RGS7: variants seen among roughly 807,000 people sequenced by gnomAD.
RGS7 encodes the protein regulator of G-protein signaling 7.
In RGS7, 27 loss-of-function variants were observed where a neutral mutation model predicts 81.1. The ratio of observed to expected loss-of-function variants is 0.33; its 90% CI spans 0.25 to 0.46. The LOEUF (loss-of-function observed/expected upper bound fraction) is 0.46. Ranked by LOEUF, RGS7 falls within the 20% of genes least tolerant of loss-of-function variation. The pLI is 1.00. For synonymous variants in RGS7, 208 were observed against 207.7 expected (o/e 1.00, Z -0.01); for missense variants, 396 against 607.4 (o/e 0.65, Z 3.66).
At chr1:241,347,995 G>C (rs1339050883) in intron 2 of RGS7, among the ~76,000 whole-genome samples, 2 of 152,076 alleles carry the variant, frequency 1.3e-5, no homozygotes, top group Non-Finnish European at 2.9e-5. Flanking sequence ...TCTTGGACTT[G>C]ATGCTATTTG....
At chr1:241,167,765 G>C (rs927075307) in intron 2 of RGS7, among the ~76,000 whole-genome samples, 1 of 151,880 alleles carries the variant, frequency 6.6e-6, no homozygotes, top group Admixed American at 6.6e-5. Flanking sequence ...TGATCCTCCC[G>C]CCTCAGCCTC....
At chr1:240,941,154 G>A (rs1037191939) in intron 4 of RGS7, among the ~76,000 whole-genome samples, 1 of 152,128 alleles carries the variant, frequency 6.6e-6, no homozygotes, top group Non-Finnish European at 1.5e-5. Context: ...TGGTGATACA[G>A]GTAAGACCTA....
At chr1:240,898,286 GT>G in intron 6 of RGS7, among the ~76,000 whole-genome samples, 1 of 152,176 alleles carries the variant, frequency 6.6e-6, no homozygotes, top group South Asian at 2.1e-4. Flanking sequence ...ATTTCCTTCA[GT>G]TCTGCTCGGA....
intron 4 of RGS7, among the ~76,000 whole-genome samples, chr1:240,957,918 C>G (rs1037592069): frequency 6.6e-6 from 1 of 152,178 alleles, no homozygotes; most frequent in Non-Finnish European, 1.5e-5. Flanking sequence ...CTCAAAGAAA[C>G]ACATAGGATG....
chr1:240,804,428 T>C (rs1314606555), intron 15 of RGS7, among the ~76,000 whole-genome samples: 1 of 151,790 alleles, frequency 6.6e-6, no homozygotes, highest in African/African-American at 2.4e-5. Flanking sequence ...ACCCAGGCAA[T>C]TTACCTTACG....
chr1:240,925,186 A>G (rs183747481), intron 6 of RGS7, among the ~76,000 whole-genome samples: 1 of 152,218 alleles, frequency 6.6e-6, no homozygotes, highest in African/African-American at 2.4e-5. Context: ...GGTATATTGC[A>G]TGATACTGAG....
intron 2 of RGS7, among the ~76,000 whole-genome samples, chr1:241,281,127 C>T (rs1393774902): frequency 2.0e-5 from 3 of 152,148 alleles, no homozygotes; most frequent in Non-Finnish European, 4.4e-5. Context: ...TTAACACTTA[C>T]TACCATAAAA....
At chr1:240,974,862 T>G (rs1683818473) in intron 4 of RGS7, among the ~76,000 whole-genome samples, 1 of 151,952 alleles carries the variant, frequency 6.6e-6, no homozygotes, top group Non-Finnish European at 1.5e-5. Context: ...TTGATTCTTT[T>G]AAGTATCACA....
At chr1:241,072,385 G>C (rs566173894) in intron 3 of RGS7, among the ~76,000 whole-genome samples, 1 of 152,112 alleles carries the variant, frequency 6.6e-6, no homozygotes, top group African/African-American at 2.4e-5. Flanking sequence ...CACGGCTGTC[G>C]CAGGCCATTT....
chr1:240,936,570 A>G lies in RGS7; in HGVS notation c.333+30T>C, dbSNP rs115500158. The G allele has an allele frequency of 1.1e-3, 1,592 of 1,512,124 alleles. 18 individuals are homozygous for G. The African/African-American group carries it at 0.02, about 19-fold the overall frequency. 93.7% of individuals were successfully genotyped at this position (1,512,124 alleles called of 1,614,324 possible). A position where few individuals can be genotyped will look rare whatever the true frequency, so the allele number is the denominator to read the frequency against. The stretch of plus-strand genomic sequence containing the variant: ...CAAACGAAATGCGGGCTTCTAGTTT[A>G]CTGTTAAAGAACATTTCTAATAAAC... On this transcript the variant is annotated intron_variant, in intron 5 of 18. Coordinates refer to ENST00000440928, the MANE Select transcript of RGS7 (RefSeq NM_001364886.1).
chr1:241,300,453 A>G (rs2079684451), intron 2 of RGS7, among the ~76,000 whole-genome samples: 1 of 152,170 alleles, frequency 6.6e-6, no homozygotes, highest in South Asian at 2.1e-4. Flanking sequence ...CTTAGCAACC[A>G]CTAATCTTTT....
intron 9 of RGS7, among the ~76,000 whole-genome samples, chr1:240,849,360 A>G (rs115578157): frequency 6.6e-6 from 1 of 152,308 alleles, no homozygotes; most frequent in East Asian, 1.9e-4. Context: ...CTGAGCTGCA[A>G]TTCAGAACAC....
At chr1:241,274,257 A>G (rs1172457597) in intron 2 of RGS7, among the ~76,000 whole-genome samples, 1 of 152,226 alleles carries the variant, frequency 6.6e-6, no homozygotes, top group Non-Finnish European at 1.5e-5. Context: ...TACTGGTACT[A>G]GTACTTGGTA....
chr1:241,035,164 T>C (rs538552240), intron 3 of RGS7, among the ~76,000 whole-genome samples: 136 of 152,148 alleles, frequency 8.9e-4, no homozygotes, highest in Non-Finnish European at 1.5e-3. Flanking sequence ...AATAGCAACA[T>C]TAAGGGTAGC....
At chr1:240,783,771 T>G (rs921125234) in intron 18 of RGS7, among the ~76,000 whole-genome samples, 1 of 152,036 alleles carries the variant, frequency 6.6e-6, no homozygotes, top group African/African-American at 2.4e-5. Context: ...ATTAGGGAGA[T>G]GGAAGCAACT....
At chr1:240,937,511 A>G (rs1367747663) in intron 4 of RGS7, among the ~76,000 whole-genome samples, 1 of 152,242 alleles carries the variant, frequency 6.6e-6, no homozygotes, top group African/African-American at 2.4e-5. Context: ...CAACAAGTCC[A>G]TGAGAAGATA....
At chr1:241,151,565 C>CTTTTTT (rs58097674) in intron 2 of RGS7, among the ~76,000 whole-genome samples, 40 of 116,386 alleles carry the variant, frequency 3.4e-4, no homozygotes, top group African/African-American at 7.0e-4. Context: ...ATTAGGAACT[C>CTTTTTT]TTTTTTTTTT....
intron 2 of RGS7, among the ~76,000 whole-genome samples, chr1:241,334,253 T>C (rs2082123270): frequency 6.6e-6 from 1 of 152,144 alleles, no homozygotes; most frequent in African/African-American, 2.4e-5. Flanking sequence ...AAGTTAAAAA[T>C]CTTTTTCCCA....
At chr1:241,128,855 A>AT (rs1463422031) in intron 2 of RGS7, among the ~76,000 whole-genome samples, 1 of 150,916 alleles carries the variant, frequency 6.6e-6, no homozygotes, top group East Asian at 1.9e-4. Context: ...CTCTTAAGAT[A>AT]TTTTAGCTTT....
Sources: gnomAD v4.1 joint callset for allele counts (sites outside exome capture counted in the v4.1 genomes callset) on GRCh38, gnomAD v4.1.1 for gene constraint, MANE v1.5 for transcripts, NCBI Gene and HGNC (gene_info 2026-07-23, HGNC 2026-07-21) for gene names.